The following CD200R1 variants were observed in gnomAD, a reference collection of about 807,000 sequenced individuals.
CD200R1 encodes CD200 receptor 1.
A neutral mutation model predicts 38.1 loss-of-function variants in CD200R1; 30 were observed. The ratio of observed to expected loss-of-function variants is 0.79; its 90% confidence interval spans 0.59 to 1.07. The LOEUF is 1.07. Ranked by LOEUF, CD200R1 falls within the 50% of genes least tolerant of loss-of-function variation. The pLI, the probability that CD200R1 is intolerant of heterozygous loss-of-function variation, is 0.00. For missense variants in CD200R1, 372 were observed against 415.4 expected (o/e 0.90, Z 0.91); for synonymous variants, 128 against 152.1 (o/e 0.84, Z 1.16).
At chr3:112,971,720 T>A (rs979221280) in intron 1 of CD200R1, among the ~76,000 whole-genome samples, 3 of 152,174 alleles carry the variant, frequency 2.0e-5, no homozygotes, top group African/African-American at 2.4e-5. Flanking sequence ...GGTTCTTTAA[T>A]TTAGCTATTA....
rs1559943100 is a variant in CD200R1 at position 112,925,101 on chromosome 3, T to A, written c.862A>T (p.Lys288Ter). ...AGTCAATACCTGCAGCCATTGACTTTCAACAACCAAATGAATCCCACGATG... is the reference window on the plus strand; with the variant it reads ...AGTCAATACCTGCAGCCATTGACTTACAACAACCAAATGAATCCCACGATG... ...LTIVGFIWLL[K>*]VNGCRKYKLN... is the part of the protein sequence containing the mutation. Residue 288 changes from lysine (K) to a stop codon, truncating the protein, a stop_gained, in exon 6 of 8, where the codon AAA becomes TAA. Coordinates refer to ENST00000308611, the MANE Select transcript of CD200R1 (RefSeq NM_138806.4). LOFTEE classifies it high-confidence loss of function. The A allele has an allele frequency of 6.3e-7, 1 of 1,588,988 alleles. No homozygotes were observed. The highest frequency in any genetic ancestry group is 1.3e-5 in the African/African-American group (1 of 74,482).
At chr3:112,948,610 G>A (rs1940914223) in intron 1 of CD200R1, among the ~76,000 whole-genome samples, 1 of 152,180 alleles carries the variant, frequency 6.6e-6, no homozygotes, top group Non-Finnish European at 1.5e-5. Context: ...TGGAGCTCAG[G>A]CCGCAATTCT....
intron 1 of CD200R1, among the ~76,000 whole-genome samples, chr3:112,966,962 G>C (rs1483693364): frequency 2.6e-5 from 4 of 152,156 alleles, no homozygotes; most frequent in Non-Finnish European, 4.4e-5. Context: ...CCCTTTTATA[G>C]TCAAGCTTTT....
At chr3:112,931,211 A>G (rs368160611) in intron 2 of CD200R1, 40 bp from the exon 3 acceptor site, 5 of 1,322,254 alleles carry the variant, frequency 3.8e-6, no homozygotes, top group South Asian at 2.4e-5. Flanking sequence ...AATCAATTTT[A>G]TGTACTCAGA....
chr3:112,932,048 G>A (rs898977912), intron 2 of CD200R1, among the ~76,000 whole-genome samples: 14 of 152,128 alleles, frequency 9.2e-5, no homozygotes, highest in African/African-American at 3.4e-4. Flanking sequence ...CACAAGCCCT[G>A]AGCCCAGTGT....
intron 5 of CD200R1, among the ~76,000 whole-genome samples, chr3:112,925,962 A>G (rs771576583): frequency 1.2e-4 from 18 of 152,124 alleles, no homozygotes; most frequent in Non-Finnish European, 2.6e-4. Context: ...ACATCACCTT[A>G]TATCAGGGTT....
chr3:112,946,386 G>A (rs1374936580), intron 2 of CD200R1, among the ~76,000 whole-genome samples: 1 of 152,158 alleles, frequency 6.6e-6, no homozygotes. Flanking sequence ...CATGGATACA[G>A]AGGGCCAACT....
chr3:112,932,932 C>T (rs536716000), intron 2 of CD200R1, among the ~76,000 whole-genome samples: 1 of 152,032 alleles, frequency 6.6e-6, no homozygotes, highest in East Asian at 1.9e-4. Flanking sequence ...AGTGGAAACT[C>T]AGCCAGGCCA....
chr3:112,962,684 T>TA (rs1559956603), intron 1 of CD200R1, among the ~76,000 whole-genome samples: 2 of 152,066 alleles, frequency 1.3e-5, no homozygotes, highest in South Asian at 2.1e-4. Context: ...GCTAACTTTT[T>TA]AAAAAAAATT....
rs1940400503 is a variant in CD200R1, at chr3:112,930,408, T to A, written c.202+698A>T. 2.6e-5 allele frequency among the ~76,000 whole-genome samples: 4 copies of A among 152,220 alleles called. No homozygotes were observed. In the South Asian group the frequency reaches 8.3e-4, roughly 31 times the overall value. The stretch of plus-strand genomic sequence containing the variant: ...TGTGAACTTAGCTCACAGATTTTAT[T>A]TCTGTATATTCAATCCAATTATCAA... On this transcript the variant is annotated intron_variant, in intron 3 of 7. Transcript: ENST00000308611.
intron 1 of CD200R1, among the ~76,000 whole-genome samples, chr3:112,951,958 T>C (rs753557658): frequency 6.6e-6 from 1 of 151,652 alleles, no homozygotes; most frequent in Non-Finnish European, 1.5e-5. Context: ...GTAGTAGTCT[T>C]TTCTGTGTAA....
chr3:112,925,753 T>G (rs1374337067), intron 5 of CD200R1, among the ~76,000 whole-genome samples: 1 of 152,092 alleles, frequency 6.6e-6, no homozygotes, highest in African/African-American at 2.4e-5. Context: ...CTAAAACTGC[T>G]CTAAAAATTA....
intron 1 of CD200R1, among the ~76,000 whole-genome samples, chr3:112,957,732 A>G (rs1384753337): frequency 6.6e-6 from 1 of 152,194 alleles, no homozygotes. Flanking sequence ...TGTTTGCAAT[A>G]TACATATCTA....
At chr3:112,940,705 T>A (rs111924936) in intron 2 of CD200R1, among the ~76,000 whole-genome samples, 1 of 151,750 alleles carries the variant, frequency 6.6e-6, no homozygotes, top group Non-Finnish European at 1.5e-5. Flanking sequence ...CTGATAGGAA[T>A]GTAAACTAAT....
chr3:112,923,755 A>C lies in CD200R1; in HGVS notation c.969T>G (p.Pro323=). The part of the protein sequence containing the change: ...PYASYTEKNN[P]LYDTTNKVKA... The stretch of plus-strand genomic sequence containing the variant: ...TCACCTTGTTTGTAGTATCATAGAG[A>C]GGATTGTTCTTCTCTGTGTAGCTGG... Residue 323 remains proline, a synonymous_variant, in exon 8 of 8, where the codon CCT becomes CCG. Coordinates refer to ENST00000308611, the MANE Select transcript of CD200R1 (RefSeq NM_138806.4). The C allele has an allele frequency of 6.2e-7, 1 of 1,608,696 alleles. No individual in the cohort carries two copies. The highest frequency in any genetic ancestry group is 1.1e-5 in the South Asian group (1 of 90,696).
chr3:112,956,531 C>G (rs1576148541), intron 1 of CD200R1, among the ~76,000 whole-genome samples: 1 of 152,148 alleles, frequency 6.6e-6, no homozygotes, highest in African/African-American at 2.4e-5. Context: ...TGGTTGGTCA[C>G]TATCACTTTG....
chr3:112,972,763 C>T (rs1404837226), intron 1 of CD200R1, among the ~76,000 whole-genome samples: 1 of 152,186 alleles, frequency 6.6e-6, no homozygotes, highest in Admixed American at 6.5e-5. Context: ...CAAATGAATA[C>T]TATGTTTTAC....
At chr3:112,937,995 T>C (rs1166739584) in intron 2 of CD200R1, among the ~76,000 whole-genome samples, 4 of 152,192 alleles carry the variant, frequency 2.6e-5, no homozygotes, top group African/African-American at 9.6e-5. Flanking sequence ...TTGTCTTGTC[T>C]GTTGTTGGTG....
chr3:112,970,814 T>C (rs1445763878), intron 1 of CD200R1, among the ~76,000 whole-genome samples: 1 of 152,172 alleles, frequency 6.6e-6, no homozygotes. Flanking sequence ...TAATGTCTCA[T>C]CTTAATCCTC....
Sources: allele counts gnomAD v4.1 joint callset (sites outside exome capture counted in the v4.1 genomes callset), GRCh38; gene constraint gnomAD v4.1.1; transcripts MANE v1.5; gene names NCBI Gene and HGNC (gene_info 2026-07-23, HGNC 2026-07-21).